The following SELENOI variants were observed in gnomAD, a reference collection of about 807,000 sequenced individuals.
The protein encoded by SELENOI is ethanolaminephosphotransferase 1.
SELENOI carries 24 observed loss-of-function variants against 50.7 expected under a neutral mutation model. That is an observed-to-expected ratio of 0.47 (90% confidence interval 0.34 to 0.67). The LOEUF (loss-of-function observed/expected upper bound fraction) is 0.67. SELENOI is among the 30% of genes least tolerant of loss of function. The pLI is 0.01. For missense variants in SELENOI, 352 were observed against 461.4 expected (o/e 0.76, Z 2.17); for synonymous variants, 155 against 170.2 (o/e 0.91, Z 0.70).
intron 4 of SELENOI, among the ~76,000 whole-genome samples, chr2:26,367,659 C>A (rs11690462): frequency 0.26 from 39,372 of 152,082 alleles, 6,031 homozygotes; most frequent in Non-Finnish European, 0.33. Context: ...CATCATTTTT[C>A]TTAAGTTTGG....
chr2:26,358,018 G>C (rs1207092332), intron 1 of SELENOI, among the ~76,000 whole-genome samples: 1 of 152,170 alleles, frequency 6.6e-6, no homozygotes, highest in East Asian at 1.9e-4. Context: ...CTGTCGCCAA[G>C]TAAGACATGC....
intron 4 of SELENOI, among the ~76,000 whole-genome samples, chr2:26,370,786 A>G (rs1171845860): frequency 1.0e-4 from 12 of 117,684 alleles, no homozygotes; most frequent in South Asian, 3.1e-4. Context: ...GGCCGGGCAG[A>G]GGGGCTCCTC....
At chr2:26,372,956 A>G (rs1677489886) in intron 4 of SELENOI, among the ~76,000 whole-genome samples, 1 of 152,174 alleles carries the variant, frequency 6.6e-6, no homozygotes, top group Non-Finnish European at 1.5e-5. Flanking sequence ...TGGCATGATC[A>G]TAGCTCACTG....
chr2:26,380,832 A>G (rs1021481702), intron 6 of SELENOI, among the ~76,000 whole-genome samples: 3 of 152,184 alleles, frequency 2.0e-5, no homozygotes, highest in African/African-American at 4.8e-5. Context: ...ATAGGTAAGA[A>G]ATGATGTGTC....
chr2:26,350,841 G>C (rs886148128), intron 1 of SELENOI, among the ~76,000 whole-genome samples: 2 of 151,808 alleles, frequency 1.3e-5, no homozygotes, highest in African/African-American at 4.8e-5. Flanking sequence ...ATAGAGAGAA[G>C]GAGAGAGAGA....
chr2:26,369,877 T>A (rs554795143), intron 4 of SELENOI, among the ~76,000 whole-genome samples: 22 of 152,310 alleles, frequency 1.4e-4, no homozygotes, highest in East Asian at 1.3e-3. Context: ...CTCTTTTTTT[T>A]ATTGATCATT....
In SELENOI at chr2:26,389,049, G is replaced by A. The variant is rs61910683; in HGVS notation, c.1140G>A (p.Leu380=). ...ATTTTCAGATTTACCCCTTCTCATT[G>A]AGGAAACCAAACTCAGATTGACTAG... ...SSHFQIYPFS[L]RKPNSDULGM... The change falls in exon 10 of 10, where the codon TTG becomes TTA. Residue 380 remains leucine, a synonymous_variant. Transcript: ENST00000260585. 3,230 of 1,590,078 alleles carry A rather than the reference G, an allele frequency of 2.0e-3. 58 individuals carry two copies. In the African/African-American group the frequency reaches 0.038, roughly 19 times the overall value.
intron 1 of SELENOI, among the ~76,000 whole-genome samples, chr2:26,353,979 T>C (rs1677012638): frequency 6.6e-6 from 1 of 152,104 alleles, no homozygotes; most frequent in African/African-American, 2.4e-5. Flanking sequence ...GACCCTGGTA[T>C]GTTAGAAGCA....
At chr2:26,374,966 GCATAAAGCATGGTGACTCCTGATCTTT>G (rs1677535321) in intron 5 of SELENOI, 47 bp from the exon 6 acceptor site, 1 of 989,952 alleles carries the variant, frequency 1.0e-6, no homozygotes, top group Admixed American at 1.9e-5. Flanking sequence ...ACTTAATGCT[GCATAAAGCATGGTGACTCCTGATCTTT>G]CTAGCGTTAA....
At position 26,376,593 on chromosome 2, in the gene SELENOI, T is replaced by G. The variant is rs571654140; in HGVS notation, c.682+1445T>G. Among the ~76,000 whole-genome samples, 28 of 152,336 alleles carry G rather than the reference T, an allele frequency of 1.8e-4. 1 individual carries two copies. The South Asian group carries it at 5.4e-3, about 29-fold the overall frequency. Reference sequence around the variant, plus strand: ...TTTCAATACCAGTGCCAATCTTGTTTGAAATGCACCAGTACTCTTTAGCCC... The same window carrying G: ...TTTCAATACCAGTGCCAATCTTGTTGGAAATGCACCAGTACTCTTTAGCCC... On this transcript the variant is annotated intron_variant, in intron 6 of 9. Transcript: ENST00000260585.
chr2:26,362,909 G>A (rs764697546), intron 1 of SELENOI, among the ~76,000 whole-genome samples: 23 of 152,134 alleles, frequency 1.5e-4, no homozygotes, highest in Non-Finnish European at 2.8e-4. Flanking sequence ...AGACTTGTCT[G>A]TTACCAGTTT....
chr2:26,355,780 G>C lies in SELENOI; in HGVS notation c.58-8522G>C, dbSNP rs1389116470. 2.7e-5 allele frequency among the ~76,000 whole-genome samples: 4 copies of C among 147,656 alleles called. No individual in the cohort carries two copies. In the Admixed American group the frequency reaches 2.7e-4, roughly 10 times the overall value. On this transcript the variant is annotated intron_variant, in intron 1 of 9. Transcript: ENST00000260585. Reference sequence around the variant, plus strand: ...TTTTGAGAGAGTGTCTCGCTCTGTTGCTTAGGCTGGAGTGCAGTGGCACTA... The same window carrying C: ...TTTTGAGAGAGTGTCTCGCTCTGTTCCTTAGGCTGGAGTGCAGTGGCACTA...
In SELENOI at chr2:26,350,200, A is replaced by ACAG. The variant is rs148183607; in HGVS notation, c.57+3913_57+3915dup. 6.7e-4 allele frequency among the ~76,000 whole-genome samples: 102 copies of ACAG among 151,806 alleles called. No homozygotes were observed. In the Middle Eastern group the frequency reaches 0.014, roughly 20 times the overall value. On this transcript the variant is annotated intron_variant, in intron 1 of 9. Transcript: ENST00000260585. ...TAATTAATTAACTTGGCTCTCAACA[A>ACAG]CAGCCTGATTATAGGAATCATGATA...
intron 4 of SELENOI, among the ~76,000 whole-genome samples, chr2:26,371,813 A>G (rs958614277): frequency 2.6e-5 from 4 of 152,206 alleles, no homozygotes; most frequent in Admixed American, 2.0e-4. Flanking sequence ...TGGCAGCAGT[A>G]TAGTCCAGCT....
chr2:26,378,245 A>G (rs1449662257), intron 6 of SELENOI, among the ~76,000 whole-genome samples: 1 of 151,206 alleles, frequency 6.6e-6, no homozygotes, highest in Non-Finnish European at 1.5e-5. Context: ...TCTGCCCCCA[A>G]CCCTCAAGCC....
rs114932043 is a variant in SELENOI, at chr2:26,378,320, A to G, written c.682+3172A>G. Among the ~76,000 whole-genome samples, 928 of 152,258 alleles carry G rather than the reference A, an allele frequency of 6.1e-3. 12 individuals carry two copies. The highest frequency in any genetic ancestry group is 6.0e-3 in the Non-Finnish European group (407 of 68,014). On this transcript the variant is annotated intron_variant, in intron 6 of 9. Coordinates refer to ENST00000260585, the MANE Select transcript of SELENOI (RefSeq NM_033505.4). The stretch of plus-strand genomic sequence containing the variant: ...GTTGGGAACACACTTAGTAAGAGAT[A>G]CAGCAGACTCACATCTCACCAAGAA...
In SELENOI at chr2:26,357,631, G is replaced by A. The variant is rs771169559; in HGVS notation, c.58-6671G>A. ...CTGGCCTGCCTGGGCCTGTGGCAGC[G>A]TAACTCCAAGCTTGCCCTCCCTCTT... On this transcript the variant is annotated intron_variant, in intron 1 of 9. Coordinates refer to ENST00000260585, the MANE Select transcript of SELENOI (RefSeq NM_033505.4). 2.4e-4 allele frequency among the ~76,000 whole-genome samples: 36 copies of A among 152,192 alleles called. 1 individual carries two copies. The highest frequency in any genetic ancestry group is 2.4e-3 in the Admixed American group (36 of 15,282).
rs1339958928 is a variant in SELENOI, at chr2:26,393,765, T to C, written c.*4662T>C. 1 of 152,120 alleles carries C rather than the reference T, an allele frequency of 6.6e-6. No individual in the cohort carries two copies. Among genetic ancestry groups the C allele is most frequent in the Non-Finnish European group, 1.5e-5 (1 of 68,020 alleles). The allele number at this position is 152,120 out of a possible 1,614,324, so 9.4% of individuals were successfully genotyped here. On this transcript the variant is annotated 3_prime_UTR_variant, in exon 10 of 10. Transcript: ENST00000260585. ...AGGGTACCTTAATGCTGTGTTGAAA[T>C]TGGAAGCAGACTGCTCTTCAGCAGC...
At chr2:26,348,416 C>G (rs561257065) in intron 1 of SELENOI, among the ~76,000 whole-genome samples, 1 of 152,310 alleles carries the variant, frequency 6.6e-6, no homozygotes, top group East Asian at 1.9e-4. Context: ...AGAGGTATAT[C>G]TGAGAGCTAC....
Sources: allele counts gnomAD v4.1 joint callset (sites outside exome capture counted in the v4.1 genomes callset), GRCh38; gene constraint gnomAD v4.1.1; transcripts MANE v1.5; gene names NCBI Gene and HGNC (gene_info 2026-07-23, HGNC 2026-07-21).